Variants in FSTL4 observed in about 807,000 individuals in gnomAD.
FSTL4 encodes follistatin-related protein 4.
In FSTL4, 28 loss-of-function variants were observed where a neutral mutation model predicts 78.2. The observed-to-expected ratio is 0.36, with a 90% CI of 0.27 to 0.49. The LOEUF is 0.49. Ranked by LOEUF, FSTL4 falls within the 20% of genes least tolerant of loss-of-function variation. FSTL4 has a pLI of 0.98. For synonymous variants in FSTL4, 422 were observed against 440.5 expected (o/e 0.96, Z 0.53); for missense variants, 922 against 1,084.9 (o/e 0.85, Z 2.11).
At chr5:133,343,127 C>T (rs980699077) in intron 4 of FSTL4, among the ~76,000 whole-genome samples, 2 of 152,168 alleles carry the variant, frequency 1.3e-5, no homozygotes, top group African/African-American at 4.8e-5. Flanking sequence ...CACAAGGGCT[C>T]AGGCCACTTG....
intron 3 of FSTL4, among the ~76,000 whole-genome samples, chr5:133,540,003 A>G (rs909297678): frequency 1.8e-4 from 27 of 151,852 alleles, no homozygotes; most frequent in Non-Finnish European, 3.4e-4. Context: ...CTTTGAGTAA[A>G]GCAGATTATC....
chr5:133,685,694 A>C, the FSTL4 span, among the ~76,000 whole-genome samples: 1 of 152,222 alleles, frequency 6.6e-6, no homozygotes, highest in Non-Finnish European at 1.5e-5. Flanking sequence ...ATAGTCCTGG[A>C]AGGCTGGGAC....
the FSTL4 span, among the ~76,000 whole-genome samples, chr5:133,825,563 C>T: frequency 6.6e-6 from 1 of 152,224 alleles, no homozygotes; most frequent in Non-Finnish European, 1.5e-5. Flanking sequence ...ATGACCATTT[C>T]CCACTGATGA....
intron 4 of FSTL4, among the ~76,000 whole-genome samples, chr5:133,362,469 C>T (rs907086777): frequency 6.6e-6 from 1 of 152,204 alleles, no homozygotes; most frequent in African/African-American, 2.4e-5. Context: ...TCACTCCTCC[C>T]AAAAGAGGGC....
chr5:133,723,369 A>G, the FSTL4 span, among the ~76,000 whole-genome samples: 1 of 152,126 alleles, frequency 6.6e-6, no homozygotes, highest in African/African-American at 2.4e-5. Context: ...GTAGTTTGGG[A>G]TGCAGAATCC....
chr5:133,617,338 C>T (rs1427683116), upstream of FSTL4, among the ~76,000 whole-genome samples: 10 of 149,934 alleles, frequency 6.7e-5, no homozygotes, highest in South Asian at 2.1e-3. Context: ...GCCTGAGGCA[C>T]CAAATGATAG....
intron 6 of FSTL4, among the ~76,000 whole-genome samples, chr5:133,308,969 C>T (rs939940805): frequency 6.6e-6 from 1 of 152,192 alleles, no homozygotes; most frequent in Non-Finnish European, 1.5e-5. Flanking sequence ...AAAAGGACAA[C>T]TATTTTCTAA....
chr5:133,581,149 TA>T (rs1760395523), intron 2 of FSTL4, among the ~76,000 whole-genome samples: 1 of 152,188 alleles, frequency 6.6e-6, no homozygotes, highest in Non-Finnish European at 1.5e-5. Flanking sequence ...TAGTTTAAAT[TA>T]AATGAGTTAT....
chr5:133,333,142 T>G (rs1349308053), intron 4 of FSTL4, among the ~76,000 whole-genome samples: 1 of 152,184 alleles, frequency 6.6e-6, no homozygotes, highest in African/African-American at 2.4e-5. Flanking sequence ...CCCAGCCCCA[T>G]CCTGCACCCT....
intron 3 of FSTL4, among the ~76,000 whole-genome samples, chr5:133,404,596 C>T (rs949580292): frequency 6.6e-6 from 1 of 152,158 alleles, no homozygotes; most frequent in African/African-American, 2.4e-5. Context: ...GTGCTGAAGA[C>T]TCCCTCTGTG....
At chr5:133,351,517 T>C (rs1410050123) in intron 4 of FSTL4, among the ~76,000 whole-genome samples, 1 of 152,174 alleles carries the variant, frequency 6.6e-6, no homozygotes, top group East Asian at 1.9e-4. Flanking sequence ...ATGTTTTCCT[T>C]TTCTTTTTCT....
chr5:133,791,924 C>T, the FSTL4 span, among the ~76,000 whole-genome samples: 1 of 152,238 alleles, frequency 6.6e-6, no homozygotes, highest in Non-Finnish European at 1.5e-5. Flanking sequence ...TCCTCTCAAT[C>T]TCACCCGTGG....
At chr5:133,239,568 G>A (rs948861298) in intron 7 of FSTL4, among the ~76,000 whole-genome samples, 2 of 151,472 alleles carry the variant, frequency 1.3e-5, no homozygotes, top group Non-Finnish European at 2.9e-5. Context: ...TGCACCATTC[G>A]GCACTCTGTA....
chr5:133,448,529 A>G (rs529154254), intron 3 of FSTL4, among the ~76,000 whole-genome samples: 4 of 152,324 alleles, frequency 2.6e-5, no homozygotes, highest in South Asian at 4.1e-4. Flanking sequence ...TAGAGGGCAC[A>G]CAGAAGTTAA....
intron 12 of FSTL4, among the ~76,000 whole-genome samples, chr5:133,220,522 G>A (rs1236908185): frequency 6.6e-6 from 1 of 152,160 alleles, no homozygotes; most frequent in Non-Finnish European, 1.5e-5. Flanking sequence ...TGTACCACCT[G>A]GGCCTCACCT....
chr5:133,524,068 C>A (rs1195689070), intron 3 of FSTL4, among the ~76,000 whole-genome samples: 1 of 152,114 alleles, frequency 6.6e-6, no homozygotes, highest in East Asian at 1.9e-4. Flanking sequence ...ACAAAAGATC[C>A]GAGGGGAGCC....
rs147469851 is a variant in FSTL4, at chr5:133,416,911, G to C, written c.161-15925C>G. Among the ~76,000 whole-genome samples, 401 of 152,270 alleles carry C rather than the reference G, an allele frequency of 2.6e-3. 2 individuals are homozygous for C. Among genetic ancestry groups the C allele is most frequent in the Middle Eastern group, 0.02 (6 of 294 alleles). ...CTATCGAGGACATATTAAGACAGCT[G>C]GCAACATTTGAATGAGGTCTTTGGG... On this transcript the variant is annotated intron_variant, in intron 3 of 15. Coordinates refer to ENST00000265342, the MANE Select transcript of FSTL4 (RefSeq NM_015082.2).
chr5:133,761,732 G>A, the FSTL4 span, among the ~76,000 whole-genome samples: 1 of 152,160 alleles, frequency 6.6e-6, no homozygotes, highest in African/African-American at 2.4e-5. Context: ...ACAGGCTGGA[G>A]GTGCTTGACA....
chr5:133,612,776 G>A (rs1258985906), upstream of FSTL4, among the ~76,000 whole-genome samples: 1 of 152,100 alleles, frequency 6.6e-6, no homozygotes, highest in Non-Finnish European at 1.5e-5. The surrounding 1 kb of genome is among the most constrained non-coding windows in gnomAD (Gnocchi z 6.2). Flanking sequence ...CGTGGAGCTC[G>A]GCAAGTGACA....
Sources: allele counts gnomAD v4.1 joint callset (sites outside exome capture counted in the v4.1 genomes callset), GRCh38; gene constraint gnomAD v4.1.1; non-coding constraint Gnocchi (gnomAD v3.1); transcripts MANE v1.5; gene names NCBI Gene and HGNC (gene_info 2026-07-23, HGNC 2026-07-21).